EDA: variants seen among roughly 807,000 people sequenced by gnomAD.
EDA encodes the protein ectodysplasin A.
In EDA, 2 loss-of-function variants were observed where a neutral mutation model predicts 23.6. That is an observed-to-expected ratio of 0.08 (90% CI 0.03 to 0.27). The LOEUF is 0.27. Among genes scored for constraint, EDA ranks in the 10% least tolerant of loss-of-function variants. The pLI is 1.00. For synonymous variants in EDA, 131 were observed against 132.0 expected (o/e 0.99, Z 0.05); for missense variants, 229 against 324.2 (o/e 0.71, Z 2.26).
chrX:69,830,439 A>G (rs956011151), intron 1 of EDA, among the ~76,000 whole-genome samples: 1 of 111,794 alleles, frequency 8.9e-6, no homozygotes, highest in Non-Finnish European at 1.9e-5. Context: ...CACACGTTGT[A>G]TATGTTATTA....
chrX:69,993,912 A>G (rs1048666652), intron 2 of EDA, among the ~76,000 whole-genome samples: 2 of 111,857 alleles, frequency 1.8e-5, no homozygotes, highest in Non-Finnish European at 3.8e-5. Flanking sequence ...GGGAAGAAAA[A>G]GTAAACAAGG....
intron 2 of EDA, among the ~76,000 whole-genome samples, chrX:69,980,185 A>G (rs1408115386): frequency 9.0e-6 from 1 of 111,430 alleles, no homozygotes; most frequent in African/African-American, 3.3e-5. Flanking sequence ...GAAAAATGGT[A>G]TGGTCTAATC....
intron 2 of EDA, among the ~76,000 whole-genome samples, chrX:69,982,605 G>A (rs1471548996): frequency 1.8e-5 from 2 of 110,695 alleles, no homozygotes; most frequent in Non-Finnish European, 3.8e-5. Context: ...GATATTGTGT[G>A]CTCTGCAGAT....
At chrX:69,777,016 T>C (rs1424244300) in intron 1 of EDA, among the ~76,000 whole-genome samples, 1 of 111,664 alleles carries the variant, frequency 9.0e-6, no homozygotes, top group Non-Finnish European at 1.9e-5. Flanking sequence ...TAGTTTATTT[T>C]CCTTAGTTAT....
intron 1 of EDA, among the ~76,000 whole-genome samples, chrX:69,905,687 A>G (rs1052859600): frequency 3.6e-5 from 4 of 111,741 alleles, no homozygotes; most frequent in African/African-American, 1.3e-4. Context: ...AGAAAATGAT[A>G]TGGATATAGT....
chrX:69,684,924 A>G (rs1003383494), intron 1 of EDA, among the ~76,000 whole-genome samples: 2 of 112,412 alleles, frequency 1.8e-5, no homozygotes, highest in African/African-American at 3.2e-5. Context: ...TCTTAGCTTG[A>G]ATGAAACTGG....
intron 1 of EDA, among the ~76,000 whole-genome samples, chrX:69,811,716 G>A (rs1277076960): frequency 1.8e-5 from 2 of 112,236 alleles, no homozygotes; most frequent in Admixed American, 1.9e-4. Flanking sequence ...GGCATGAGAA[G>A]GTTTATTACA....
At chrX:70,024,997 C>A (rs1269342667) in intron 3 of EDA, among the ~76,000 whole-genome samples, 1 of 111,967 alleles carries the variant, frequency 8.9e-6, no homozygotes, top group Non-Finnish European at 1.9e-5. Context: ...TATCCTCTTG[C>A]TCCAGGGGTC....
chrX:69,857,165 G>A (rs1003214226), intron 1 of EDA, among the ~76,000 whole-genome samples: 8 of 111,491 alleles, frequency 7.2e-5, no homozygotes, highest in Non-Finnish European at 1.1e-4. Context: ...TTGCTTTGTC[G>A]AAGATCAGTT....
chrX:69,834,401 A>G (rs992620288), intron 1 of EDA, among the ~76,000 whole-genome samples: 1 of 111,376 alleles, frequency 9.0e-6, no homozygotes, highest in African/African-American at 3.3e-5. Flanking sequence ...TATTGGGTGC[A>G]TATATATTTA....
chrX:69,696,682 C>T lies in EDA; in HGVS notation c.396+79978C>T, dbSNP rs182740000. 6.0e-3 allele frequency among the ~76,000 whole-genome samples: 672 copies of T among 111,474 alleles called. 8 individuals carry two copies. Among genetic ancestry groups the T allele is most frequent in the African/African-American group, 0.021 (643 of 30,763 alleles). ...TAGTAACCTTAATTTCTAGTGAAAACCCAGGAAGTAAAACAACTTAAAACC... is the reference window on the plus strand; with the variant it reads ...TAGTAACCTTAATTTCTAGTGAAAATCCAGGAAGTAAAACAACTTAAAACC... On this transcript the variant is annotated intron_variant, in intron 1 of 7. Transcript: ENST00000374552.
intron 1 of EDA, among the ~76,000 whole-genome samples, chrX:69,886,009 T>G (rs1456861893): frequency 2.7e-5 from 3 of 111,944 alleles, no homozygotes; most frequent in Non-Finnish European, 5.6e-5. Flanking sequence ...GGAGACACAC[T>G]TAGGTCCCTG....
intron 1 of EDA, among the ~76,000 whole-genome samples, chrX:69,803,413 T>C (rs760425679): frequency 2.7e-4 from 30 of 110,964 alleles, no homozygotes; most frequent in South Asian, 1.5e-3. Flanking sequence ...TGATTAATAT[T>C]CAGTTTGTCC....
chrX:69,903,713 T>C (rs893059360), intron 1 of EDA, among the ~76,000 whole-genome samples: 2 of 110,345 alleles, frequency 1.8e-5, no homozygotes, highest in African/African-American at 6.6e-5. Context: ...AAAAAGTATT[T>C]TAAAAATTAT....
At chrX:69,881,040 C>A (rs1217592977) in intron 1 of EDA, among the ~76,000 whole-genome samples, 18 of 111,469 alleles carry the variant, frequency 1.6e-4, no homozygotes, top group Non-Finnish European at 1.3e-4. Flanking sequence ...AAAATCCTTG[C>A]CTTTGGCAAG....
At position 69,861,171 on chromosome X, in the gene EDA, ACAAG is replaced by A; in HGVS notation, c.397-95852_397-95849del. The A allele has an allele frequency of 2.9e-5, 9 of 306,433 alleles. No individual in the cohort carries two copies. The South Asian group carries it at 5.1e-4, about 18-fold the overall frequency. The allele number at this position is 306,433 out of a possible 1,213,427, so 25.3% of individuals were successfully genotyped here. A position where few individuals can be genotyped will look rare whatever the true frequency, so the allele number is the denominator to read the frequency against. ...AAAATTTGAGATGTAAGACAGAAGA[ACAAG>A]CAAAGATTGTTTAAACATGTGGGTA... On this transcript the variant is annotated intron_variant, in intron 1 of 7. Coordinates refer to ENST00000374552, the MANE Select transcript of EDA (RefSeq NM_001399.5).
intron 1 of EDA, among the ~76,000 whole-genome samples, chrX:69,706,392 T>C (rs751234663): frequency 1.1e-4 from 12 of 112,143 alleles, no homozygotes; most frequent in Non-Finnish European, 2.1e-4. Flanking sequence ...TTAATAAATT[T>C]AGAGTACTAT....
chrX:69,770,735 C>A lies in EDA; in HGVS notation c.396+154031C>A, dbSNP rs750274904. ...GCAAAAGATTTAATTTGGATAAAGTCCAACTTAATCACTTTTTTTTGATAG... is the reference window on the plus strand; with the variant it reads ...GCAAAAGATTTAATTTGGATAAAGTACAACTTAATCACTTTTTTTTGATAG... On this transcript the variant is annotated intron_variant, in intron 1 of 7. Transcript: ENST00000374552. Among the ~76,000 whole-genome samples the A allele has an allele frequency of 1.7e-4, 4 of 23,161 alleles. No homozygotes were observed. In the East Asian group the frequency reaches 6.1e-3, roughly 35 times the overall value. The allele number at this position is 23,161 out of a possible 115,157, so 20.1% of individuals were successfully genotyped here.
intron 1 of EDA, among the ~76,000 whole-genome samples, chrX:69,623,654 ATTTTCTTTT>A (rs980951796): frequency 1.1e-4 from 11 of 98,891 alleles, no homozygotes; most frequent in East Asian, 6.2e-4. Flanking sequence ...CATTCTAGGT[ATTTTCTTTT>A]TTTTCTTTTT....
Sources: allele counts gnomAD v4.1 joint callset (sites outside exome capture counted in the v4.1 genomes callset), GRCh38; gene constraint gnomAD v4.1.1; transcripts MANE v1.5; gene names NCBI Gene and HGNC (gene_info 2026-07-23, HGNC 2026-07-21).